Variants in PHF8 observed in about 807,000 individuals in gnomAD.
PHF8 encodes histone lysine demethylase PHF8.
Under a neutral mutation model 74.4 loss-of-function variants are expected in PHF8, and 9 were observed. That is an observed-to-expected ratio of 0.12 (90% CI 0.07 to 0.21). The LOEUF (loss-of-function observed/expected upper bound fraction) is 0.21, where lower values mean the gene tolerates loss of function less well. PHF8 is among the 10% of genes least tolerant of loss of function. The probability of loss-of-function intolerance (pLI) is 1.00; values close to 1 mark genes in which losing one functional copy is unlikely to be tolerated. For synonymous variants in PHF8, 311 were observed against 316.6 expected (o/e 0.98, Z 0.19); for missense variants, 478 against 816.6 (o/e 0.59, Z 5.05).
intron 18 of PHF8, among the ~76,000 whole-genome samples, chrX:53,970,818 C>T (rs1366424361): frequency 9.0e-6 from 1 of 111,300 alleles, no homozygotes; most frequent in Non-Finnish European, 1.9e-5. Context: ...TATATGTACC[C>T]AATATAGGAG....
chrX:53,962,191 G>C (rs1363479123), intron 19 of PHF8, among the ~76,000 whole-genome samples: 2 of 111,598 alleles, frequency 1.8e-5, no homozygotes, highest in Non-Finnish European at 3.8e-5. Flanking sequence ...CAGCCCCAGG[G>C]AATCTGGCCT....
intron 2 of PHF8, among the ~76,000 whole-genome samples, chrX:54,032,804 T>C (rs1557112951): frequency 9.1e-6 from 1 of 109,863 alleles, no homozygotes; most frequent in Non-Finnish European, 1.9e-5. Context: ...GTGCTTATAT[T>C]GTCTATAATA....
chrX:53,944,548 T>A (rs1417682816), intron 19 of PHF8: 2 of 251,823 alleles, frequency 7.9e-6, no homozygotes, highest in Non-Finnish European at 1.4e-5. Flanking sequence ...TGGGACCCTG[T>A]CACTACAAAA....
At chrX:53,996,045 G>A (rs181341422) in intron 11 of PHF8, among the ~76,000 whole-genome samples, 1 of 110,936 alleles carries the variant, frequency 9.0e-6, no homozygotes, top group East Asian at 2.8e-4. Context: ...GACCATGCTT[G>A]CCCAACCCAC....
At chrX:53,996,120 C>G in intron 11 of PHF8, among the ~76,000 whole-genome samples, 1 of 103,176 alleles carries the variant, frequency 9.7e-6, no homozygotes, top group East Asian at 3.0e-4. Flanking sequence ...CATTATGAGA[C>G]TTTTTTTTTT....
chrX:54,036,993 G>GAAAAA (rs1349551369), intron 2 of PHF8, among the ~76,000 whole-genome samples: 1 of 54,694 alleles, frequency 1.8e-5, no homozygotes, highest in African/African-American at 7.9e-5. Context: ...GGCTGTTTCA[G>GAAAAA]AAAAAATAAA....
At chrX:54,038,683 A>G (rs2066502339) in intron 2 of PHF8, among the ~76,000 whole-genome samples, 1 of 112,378 alleles carries the variant, frequency 8.9e-6, no homozygotes, top group Admixed American at 9.5e-5. Context: ...CAAATAATTC[A>G]AAGTTCAAAT....
Position 54,027,971 on chromosome X carries a change from A to C in PHF8, c.99-5128T>G, listed in dbSNP as rs1029608087. Among the ~76,000 whole-genome samples the C allele has an allele frequency of 8.9e-5, 9 of 101,052 alleles. No homozygotes were observed. In the East Asian group the frequency reaches 2.6e-3, roughly 29 times the overall value. The allele number at this position is 101,052 out of a possible 115,157, so 87.8% of individuals were successfully genotyped here. On this transcript the variant is annotated intron_variant, in intron 2 of 21. Transcript: ENST00000338154. ...TAGAGGAATATGTATGTGTGAATATATAACTATACACACCACACACACACA... is the reference window on the plus strand; with the variant it reads ...TAGAGGAATATGTATGTGTGAATATCTAACTATACACACCACACACACACA...
intron 1 of PHF8, 137 bp from the exon 2 acceptor site, chrX:54,042,957 A>G: frequency 3.6e-6 from 2 of 548,754 alleles, no homozygotes; most frequent in South Asian, 4.2e-5. Context: ...GCAACCAGAG[A>G]AAGTCCACCC....
intron 20 of PHF8, among the ~76,000 whole-genome samples, chrX:53,943,769 T>C (rs781863660): frequency 8.9e-6 from 1 of 112,142 alleles, no homozygotes; most frequent in Non-Finnish European, 1.9e-5. Context: ...GGTGGGTGGC[T>C]GAGAACTTGA....
Position 53,949,594 on chromosome X carries a change from G to C in PHF8, c.2540-5351C>G, listed in dbSNP as rs931817482. ...TTGGGAGGCCAAGGTGGGTGGATCA[G>C]GAGGTCAGGAGATCAAGACCATCCT... On this transcript the variant is annotated intron_variant, in intron 19 of 21. Transcript: ENST00000338154. Among the ~76,000 whole-genome samples, 12 of 109,426 alleles carry C rather than the reference G, an allele frequency of 1.1e-4. No homozygotes were observed. In the East Asian group the frequency reaches 3.5e-3, roughly 32 times the overall value.
chrX:54,042,179 G>GT (rs1718970886), intron 2 of PHF8, among the ~76,000 whole-genome samples: 1 of 110,414 alleles, frequency 9.1e-6, no homozygotes, highest in Admixed American at 9.7e-5. Flanking sequence ...GTGCATGCCT[G>GT]TAATCTCAGC....
intron 4 of PHF8, among the ~76,000 whole-genome samples, chrX:54,021,773 C>G (rs1435295886): frequency 9.0e-6 from 1 of 110,693 alleles, no homozygotes; most frequent in Non-Finnish European, 1.9e-5. Context: ...CGGCCAGTTG[C>G]AATTATTTTT....
chrX:54,001,887 G>C (rs782203523), intron 10 of PHF8, among the ~76,000 whole-genome samples: 6 of 111,621 alleles, frequency 5.4e-5, no homozygotes, highest in Non-Finnish European at 1.1e-4. Context: ...CTGCACTCCA[G>C]CCTGGGTGAC....
At chrX:54,023,604 TAC>T (rs1450240009) in intron 2 of PHF8, among the ~76,000 whole-genome samples, 2 of 109,130 alleles carry the variant, frequency 1.8e-5, no homozygotes, top group Non-Finnish European at 3.8e-5. Context: ...CAGTGGCTCA[TAC>T]CTATAATCCC....
upstream of PHF8, chrX:54,044,482 G>T (rs2066614230): frequency 4.2e-5 from 30 of 706,062 alleles, no homozygotes; most frequent in Non-Finnish European, 5.0e-5. Flanking sequence ...AGGTGAGCGC[G>T]GCGGAGGCGG....
intron 2 of PHF8, among the ~76,000 whole-genome samples, chrX:54,037,821 T>C (rs188135570): frequency 1.8e-3 from 207 of 112,683 alleles, no homozygotes; most frequent in Admixed American, 6.0e-3. Flanking sequence ...AACACTAGCT[T>C]GTGCTCAATA....
Position 54,042,718 on chromosome X carries a change from A to G in PHF8, c.11T>C (p.Val4Ala). Residue 4 changes from valine to alanine, a missense_variant, in exon 2 of 22, where the codon GTG becomes GCG. Val to Ala is a moderately conservative substitution (Grantham distance 64). This residue lies in a region of PHF8 where 15 missense variants were observed against 50.6 expected (regional missense o/e 0.30). Coordinates refer to ENST00000338154, the MANE Select transcript of PHF8 (RefSeq NM_015107.3). MASVPVYCLCRLPY... is the reference protein window; with the variant it reads MASAPVYCLCRLPY... ...CAGCCGGCAGAGGCAATACACCGGC[A>G]CCGAGGCCATCTTCGCTCGGCCCTG... 1 of 1,209,939 alleles carries G rather than the reference A, an allele frequency of 8.3e-7. No individual in the cohort carries two copies. The highest frequency in any genetic ancestry group is 1.1e-6 in the Non-Finnish European group (1 of 894,360).
At chrX:53,993,092 C>T (rs1444690159) in intron 13 of PHF8, 10 of 380,959 alleles carry the variant, frequency 2.6e-5, no homozygotes, top group Admixed American at 1.3e-4. Flanking sequence ...CTTCAGATGC[C>T]CATGGAGAGA....
Sources: allele counts gnomAD v4.1 joint callset (sites outside exome capture counted in the v4.1 genomes callset), GRCh38; gene constraint gnomAD v4.1.1; regional missense constraint gnomAD v4.1.1; transcripts MANE v1.5; gene names NCBI Gene and HGNC (gene_info 2026-07-23, HGNC 2026-07-21).